The following NRAP variants were observed in gnomAD, a reference collection of about 807,000 sequenced individuals.
NRAP encodes nebulin-related-anchoring protein.
Under a neutral mutation model 225.9 loss-of-function variants are expected in NRAP, and 189 were observed. The observed-to-expected ratio is 0.84, with a 90% CI of 0.74 to 0.94. The LOEUF is 0.94. Ranked by LOEUF, NRAP falls within the 40% of genes least tolerant of loss-of-function variation. NRAP has a pLI of 0.00. For missense variants in NRAP, 2,176 were observed against 2,168.7 expected (o/e 1.00, Z -0.07); for synonymous variants, 769 against 790.7 (o/e 0.97, Z 0.46).
At chr10:113,614,492 T>C (rs1366365462) in intron 28 of NRAP, among the ~76,000 whole-genome samples, 196 bp from the exon 29 acceptor site, 1 of 152,176 alleles carries the variant, frequency 6.6e-6, no homozygotes, top group Non-Finnish European at 1.5e-5. Flanking sequence ...GGCTGTGAAA[T>C]GGCAGGATGC....
At chr10:113,621,081 C>T (rs1847961157) in intron 24 of NRAP, among the ~76,000 whole-genome samples, 1 of 152,168 alleles carries the variant, frequency 6.6e-6, no homozygotes, top group Non-Finnish European at 1.5e-5. Flanking sequence ...AATGAGAATT[C>T]ACAACAGAAC....
chr10:113,589,317 A>T, intron 41 of NRAP: 1 of 574,654 alleles, frequency 1.7e-6, no homozygotes, highest in Admixed American at 3.2e-5. Context: ...AGGGTTCAAA[A>T]TGCAGACTGT....
At chr10:113,643,855 T>C (rs1849348374) in intron 11 of NRAP, among the ~76,000 whole-genome samples, 1 of 152,162 alleles carries the variant, frequency 6.6e-6, no homozygotes, top group Admixed American at 6.6e-5. Flanking sequence ...TGGGGGTATG[T>C]CTAATTCTAA....
rs750686453 is a variant in NRAP, at chr10:113,645,831, C to G, written c.1104G>C (p.Val368=). 21 of 1,567,980 alleles carry G rather than the reference C, an allele frequency of 1.3e-5. No individual in the cohort carries two copies. The highest frequency in any genetic ancestry group is 1.8e-5 in the Non-Finnish European group (20 of 1,141,582). ...ACTCTTCCCCCATACGCACCTCACT[C>G]ACGAGTTTGTTTACGCTCTGAGCCT... The part of the protein sequence containing the change: ...LKQAQSVNKL[V]SEVEYKKDLE... The change falls in exon 11 of 42, where the codon GTG becomes GTC. Residue 368 remains valine (V), a synonymous_variant. Transcript: ENST00000359988.
intron 14 of NRAP, among the ~76,000 whole-genome samples, chr10:113,638,521 C>T (rs1055534228): frequency 2.0e-5 from 3 of 152,168 alleles, no homozygotes; most frequent in African/African-American, 4.8e-5. Flanking sequence ...CCCCAAACTT[C>T]CTGATTATTA....
In NRAP at chr10:113,605,039, G is replaced by A. The variant is rs530989845; in HGVS notation, c.3916-119C>T. On this transcript the variant is annotated intron_variant, in intron 34 of 41. Transcript: ENST00000359988. ...TATAAGAAAAACCACAGTGGGGCTG[G>A]CCTGAGAGTGTGCCTTCCTCCCTGG... The A allele has an allele frequency of 2.0e-4, 211 of 1,060,054 alleles. 1 individual carries two copies. In the South Asian group the frequency reaches 3.0e-3, roughly 15 times the overall value. 65.7% of individuals were successfully genotyped at this position (1,060,054 alleles called of 1,614,324 possible).
intron 14 of NRAP, among the ~76,000 whole-genome samples, chr10:113,638,130 T>A (rs1201846039): frequency 6.6e-6 from 1 of 152,340 alleles, no homozygotes; most frequent in Non-Finnish European, 1.5e-5. Context: ...ATAGAGTCTA[T>A]TAGAATTCAG....
chr10:113,655,541 C>T (rs1416400842), intron 4 of NRAP, among the ~76,000 whole-genome samples: 3 of 151,746 alleles, frequency 2.0e-5, no homozygotes, highest in Non-Finnish European at 4.4e-5. Context: ...CTGCAACCTC[C>T]GCCTCCTGGG....
intron 19 of NRAP, 53 bp from the exon 20 acceptor site, chr10:113,629,074 CA>C (rs1848435390): frequency 2.1e-5 from 26 of 1,242,574 alleles, no homozygotes; most frequent in Non-Finnish European, 3.0e-5. Context: ...AGAGACAGGA[CA>C]AAGTTGATGG....
chr10:113,631,513 C>T lies in NRAP; in HGVS notation c.1838G>A (p.Ser613Asn). 6.3e-7 allele frequency: 1 copy of T among 1,596,404 alleles called. No individual in the cohort carries two copies. Among genetic ancestry groups the T allele is most frequent in the South Asian group, 1.1e-5 (1 of 88,730 alleles). ...GGGGGTTAGAAAAGAGTTTACCTCA[C>T]TGCTCATCTTAGCAATCTGCAGGGA... Reference protein sequence around the residue: ...LHSLQIAKMSSEVEYKKGFEE... With the variant: ...LHSLQIAKMSNEVEYKKGFEE... The change falls in exon 18 of 42, where the codon AGT (serine) becomes AAT (asparagine). Residue 613 changes from serine (S) to asparagine (N), a missense_variant. Transcript: ENST00000359988.
intron 24 of NRAP, among the ~76,000 whole-genome samples, chr10:113,620,986 C>T (rs1004133451): frequency 6.6e-5 from 10 of 152,140 alleles, no homozygotes; most frequent in Admixed American, 2.0e-4. Flanking sequence ...CCCCTCATTA[C>T]GGACGAGTCT....
In NRAP at chr10:113,662,754, C is replaced by T; in HGVS notation, c.180G>A (p.Lys60=). Reference sequence around the variant, plus strand: ...GATAGACACTGGTGAAAGTGTTGTTCTTAGGGTTATGGCTACAACAAATAG... The same window carrying T: ...GATAGACACTGGTGAAAGTGTTGTTTTTAGGGTTATGGCTACAACAAATAG... The part of the protein sequence containing the change: ...KKPYCHAHNP[K]NNTFTSVYHT... The change falls in exon 3 of 42, where the codon AAG becomes AAA. Residue 60 remains lysine (K), a synonymous_variant. Coordinates refer to ENST00000359988, the MANE Select transcript of NRAP (RefSeq NM_198060.4). 2 of 1,589,224 alleles carry T rather than the reference C, an allele frequency of 1.3e-6. No individual in the cohort carries two copies. Among genetic ancestry groups the T allele is most frequent in the Non-Finnish European group, 1.7e-6 (2 of 1,158,358 alleles).
chr10:113,662,177 C>A (rs1209491489), intron 3 of NRAP, among the ~76,000 whole-genome samples: 2 of 152,096 alleles, frequency 1.3e-5, no homozygotes, highest in Non-Finnish European at 1.5e-5. Context: ...AGGAAATGGG[C>A]AGGTTCACAT....
intron 30 of NRAP, among the ~76,000 whole-genome samples, chr10:113,611,542 C>A (rs1011245036): frequency 6.6e-6 from 1 of 152,190 alleles, no homozygotes; most frequent in Non-Finnish European, 1.5e-5. Flanking sequence ...TGCTTCCTGA[C>A]CCTCCTGGGC....
intron 32 of NRAP, among the ~76,000 whole-genome samples, chr10:113,606,528 G>A (rs1846976845): frequency 6.6e-6 from 1 of 152,178 alleles, no homozygotes; most frequent in African/African-American, 2.4e-5. Flanking sequence ...TAATAGGCCA[G>A]GGAAAGAAAA....
chr10:113,663,966 A>G lies in NRAP; in HGVS notation c.-84T>C. ...CCCCAGTCTAGTTCAAGTCTTCAAA[A>G]TCCGACGACCATAAAATTCCTGTGG... On this transcript the variant is annotated 5_prime_UTR_variant, in exon 1 of 42. Coordinates refer to ENST00000359988, the MANE Select transcript of NRAP (RefSeq NM_198060.4). 9.6e-7 allele frequency: 1 copy of G among 1,036,552 alleles called. No individual in the cohort carries two copies. The highest frequency in any genetic ancestry group is 1.5e-6 in the Non-Finnish European group (1 of 663,102). 64.2% of individuals were successfully genotyped at this position (1,036,552 alleles called of 1,614,324 possible).
intron 31 of NRAP, among the ~76,000 whole-genome samples, chr10:113,608,775 C>G (rs1847155060): frequency 6.6e-6 from 1 of 152,156 alleles, no homozygotes; most frequent in Non-Finnish European, 1.5e-5. Flanking sequence ...GTGAACATGA[C>G]TATTTAAATT....
chr10:113,650,679 T>C, intron 7 of NRAP, 134 bp from the exon 8 acceptor site: 1 of 669,484 alleles, frequency 1.5e-6, no homozygotes, highest in South Asian at 1.7e-5. Flanking sequence ...GGCTTACAGT[T>C]TGATGGGCCA....
chr10:113,619,390 C>T (rs773704063), intron 25 of NRAP, among the ~76,000 whole-genome samples: 1 of 152,110 alleles, frequency 6.6e-6, no homozygotes, highest in African/African-American at 2.4e-5. Flanking sequence ...CAAATTATAG[C>T]AGTGCTATCC....
Sources: gnomAD v4.1 joint callset for allele counts (sites outside exome capture counted in the v4.1 genomes callset) on GRCh38, gnomAD v4.1.1 for gene constraint, MANE v1.5 for transcripts, NCBI Gene and HGNC (gene_info 2026-07-23, HGNC 2026-07-21) for gene names.